Variants in DGKH observed in about 807,000 individuals in gnomAD.
DGKH encodes diacylglycerol kinase eta, also known as DAG kinase eta.
In DGKH, 90 loss-of-function variants were observed where a neutral mutation model predicts 159.3. That is an observed-to-expected ratio of 0.57 (90% confidence interval 0.48 to 0.67). The LOEUF (loss-of-function observed/expected upper bound fraction) is 0.67. Among genes scored for constraint, DGKH ranks in the 30% least tolerant of loss-of-function variants. DGKH has a pLI of 0.00. For missense variants in DGKH, 1,181 were observed against 1,506.1 expected, an observed-to-expected ratio of 0.78 and a Z score of 3.57; for synonymous variants, 536 against 553.8, an observed-to-expected ratio of 0.97 and a Z score of 0.45.
At chr13:42,219,024 A>G (rs762707434) in intron 26 of DGKH, among the ~76,000 whole-genome samples, 34 of 152,236 alleles carry the variant, frequency 2.2e-4, no homozygotes, top group Non-Finnish European at 3.2e-4. Flanking sequence ...ATCTTTGGGA[A>G]GTAATGATTA....
chr13:42,201,598 C>T (rs1276967315), intron 20 of DGKH, among the ~76,000 whole-genome samples: 2 of 152,060 alleles, frequency 1.3e-5, no homozygotes, highest in Non-Finnish European at 2.9e-5. Flanking sequence ...TTTGTACTCT[C>T]CTTTTTAAAA....
At position 42,206,038 on chromosome 13, in the gene DGKH, G is replaced by A; in HGVS notation, c.2494-1G>A. ...TTTTTTTTTTTTTTTTTACCTTACA[G>A]TGTGATGGGCAGTATATTCCTCTTC... On this transcript the variant is annotated splice_acceptor_variant, in intron 20 of 29. Transcript: ENST00000337343. LOFTEE classifies it high-confidence loss of function. 7.6e-7 allele frequency: 1 copy of A among 1,309,336 alleles called. No individual in the cohort carries two copies. Among genetic ancestry groups the A allele is most frequent in the Non-Finnish European group, 9.9e-7 (1 of 1,011,064 alleles). 81.1% of individuals were successfully genotyped at this position (1,309,336 alleles called of 1,614,324 possible).
intron 1 of DGKH, among the ~76,000 whole-genome samples, chr13:42,115,836 G>A (rs1954956427): frequency 6.6e-6 from 1 of 152,128 alleles, no homozygotes; most frequent in African/African-American, 2.4e-5. Flanking sequence ...TGTCCACAGT[G>A]GAAGGAATGG....
intron 29 of DGKH, among the ~76,000 whole-genome samples, chr13:42,224,903 A>T (rs413587): frequency 0.47 from 67,461 of 144,844 alleles, 15,374 homozygotes; most frequent in East Asian, 0.7. Context: ...GGAAAAAAAA[A>T]ATATATATAT....
rs549860189 is a variant in DGKH at position 42,253,154 on chromosome 13, T to A, written n.4127+673T>A. Among the ~76,000 whole-genome samples, 3 of 152,316 alleles carry A rather than the reference T, an allele frequency of 2.0e-5. No individual in the cohort carries two copies. In the South Asian group the frequency reaches 6.2e-4, roughly 32 times the overall value. On this transcript the variant is annotated intron_variant and non_coding_transcript_variant, in intron 30 of 30. Coordinates refer to the DGKH transcript ENST00000498255. ...TTCACCTTTATGCTGAGTGCTATAG[T>A]CTAGTTTGTGTCCCCCTAAAATTCA...
In DGKH at chr13:42,093,353, AG is replaced by A. The variant is rs1954459583; in HGVS notation, c.193-34109del. ...CTAGGATGGCTGCTCTTAAAAAAAA[AG>A]ATAAAGAAAATAGCAATGTTGGCAA... On this transcript the variant is annotated intron_variant, in intron 1 of 29. Transcript: ENST00000337343. 2.0e-5 allele frequency among the ~76,000 whole-genome samples: 3 copies of A among 152,272 alleles called. No individual in the cohort carries two copies. The South Asian group carries it at 6.2e-4, about 32-fold the overall frequency.
At chr13:42,225,198 C>T (rs9566942) in intron 29 of DGKH, 1 of 1,290,310 alleles carries the variant, frequency 7.8e-7, no homozygotes, top group Non-Finnish European at 1.1e-6. Flanking sequence ...GCTGGGATTA[C>T]TGGTGTGAGC....
chr13:42,149,699 G>C (rs998292586), intron 3 of DGKH, among the ~76,000 whole-genome samples: 5 of 152,180 alleles, frequency 3.3e-5, no homozygotes, highest in Admixed American at 6.5e-5. Flanking sequence ...TCTGTTGTTG[G>C]ATTGTCTTTT....
chr13:42,185,439 T>C (rs1956893643), intron 13 of DGKH, among the ~76,000 whole-genome samples: 1 of 152,176 alleles, frequency 6.6e-6, no homozygotes, highest in Non-Finnish European at 1.5e-5. Flanking sequence ...GGGGCACCCC[T>C]GCTGCCCTTT....
downstream of DGKH, among the ~76,000 whole-genome samples, chr13:42,245,585 A>G (rs143629369): frequency 1.7e-3 from 256 of 152,108 alleles, 1 homozygote; most frequent in Non-Finnish European, 3.1e-3. Context: ...CTACTAACCA[A>G]TACTTTTGTT....
chr13:42,118,171 C>G (rs1954998853), intron 1 of DGKH, among the ~76,000 whole-genome samples: 1 of 151,964 alleles, frequency 6.6e-6, no homozygotes, highest in Admixed American at 6.6e-5. Flanking sequence ...GAGCCCAGGT[C>G]GCACCACTGC....
intron 1 of DGKH, among the ~76,000 whole-genome samples, chr13:42,112,284 C>CT (rs58307947): frequency 0.16 from 20,026 of 122,628 alleles, 2,264 homozygotes; most frequent in South Asian, 0.22. Flanking sequence ...AGCCTTGTGG[C>CT]TTTTTTTTTT....
chr13:42,080,633 T>C (rs913366500), intron 1 of DGKH, among the ~76,000 whole-genome samples: 1 of 152,176 alleles, frequency 6.6e-6, no homozygotes, highest in Non-Finnish European at 1.5e-5. Flanking sequence ...CAATTGTGAA[T>C]GAAGGAAAAA....
At chr13:42,077,509 G>C (rs1593993222) in intron 1 of DGKH, among the ~76,000 whole-genome samples, 1 of 152,036 alleles carries the variant, frequency 6.6e-6, no homozygotes, top group Non-Finnish European at 1.5e-5. Context: ...ATATAAAAAA[G>C]GATCAATAGT....
intron 21 of DGKH, among the ~76,000 whole-genome samples, chr13:42,207,666 T>G (rs1429012457): frequency 7.3e-6 from 1 of 137,870 alleles, no homozygotes; most frequent in African/African-American, 2.7e-5. Flanking sequence ...GTGAAAAGAA[T>G]GAAAGAGAGG....
intron 3 of DGKH, among the ~76,000 whole-genome samples, chr13:42,136,175 A>T (rs1594075031): frequency 6.6e-6 from 1 of 152,312 alleles, no homozygotes; most frequent in Non-Finnish European, 1.5e-5. Flanking sequence ...AGTGGCAGTT[A>T]TTCTCCCGAG....
At chr13:42,056,100 A>G (rs1881736870) in intron 1 of DGKH, among the ~76,000 whole-genome samples, 1 of 152,236 alleles carries the variant, frequency 6.6e-6, no homozygotes, top group Non-Finnish European at 1.5e-5. Flanking sequence ...CTCTAAAACA[A>G]AAGAAATAAA....
At chr13:42,192,663 CTTG>C (rs1957111301) in intron 16 of DGKH, among the ~76,000 whole-genome samples, 1 of 149,176 alleles carries the variant, frequency 6.7e-6, no homozygotes, top group Non-Finnish European at 1.5e-5. Context: ...CTTTCTTCTT[CTTG>C]TTCTTCATGT....
At chr13:42,193,648 T>C (rs1429954577) in intron 16 of DGKH, among the ~76,000 whole-genome samples, 1 of 152,222 alleles carries the variant, frequency 6.6e-6, no homozygotes, top group Non-Finnish European at 1.5e-5. Flanking sequence ...GTACGCTCTC[T>C]GCTTTTTGTC....
Sources: allele counts gnomAD v4.1 joint callset (sites outside exome capture counted in the v4.1 genomes callset), GRCh38; gene constraint gnomAD v4.1.1; transcripts MANE v1.5; gene names NCBI Gene and HGNC (gene_info 2026-07-23, HGNC 2026-07-21).